The following ZNF185 variants were observed in gnomAD, a reference collection of about 807,000 sequenced individuals.
ZNF185 encodes zinc finger protein 185 with LIM domain, also known as zinc finger protein 185.
A neutral mutation model predicts 58.6 loss-of-function variants in ZNF185; 56 were observed. The observed-to-expected ratio is 0.95, with a 90% CI of 0.77 to 1.19. The LOEUF (loss-of-function observed/expected upper bound fraction) is 1.19, where lower values mean the gene tolerates loss of function less well. Ranked by LOEUF, ZNF185 falls within the 50% of genes most tolerant of loss-of-function variation. The pLI is 0.00. For synonymous variants in ZNF185, 230 were observed against 215.9 expected (o/e 1.07, Z -0.57); for missense variants, 627 against 573.5 (o/e 1.09, Z -0.95).
chrX:152,901,362 C>T, the ZNF185 span, among the ~76,000 whole-genome samples: 4 of 109,332 alleles, frequency 3.7e-5, no homozygotes, highest in Non-Finnish European at 7.6e-5. Context: ...AAGCGATCCT[C>T]GTGCCTCAGC....
rs139719245 is a variant in ZNF185, at chrX:152,915,721, G to A, written c.224+518G>A. ...TGACATATTTTGTCAGCTGACCAAG[G>A]AGAACTGGCTTCTCTCTCTTTTGGG... On this transcript the variant is annotated intron_variant, in intron 3 of 22. Coordinates refer to ENST00000449285, the Ensembl canonical transcript of ZNF185. 8.9e-4 allele frequency among the ~76,000 whole-genome samples: 100 copies of A among 112,516 alleles called. No individual in the cohort carries two copies. In the East Asian group the frequency reaches 0.027, roughly 31 times the overall value.
chrX:152,972,418 C>G (rs956708094), exon 23 of ZNF185: 5 of 110,661 alleles, frequency 4.5e-5, no homozygotes, highest in African/African-American at 1.3e-4. Flanking sequence ...TGAAATCACA[C>G]TCTTCCTCTG....
the ZNF185 span, among the ~76,000 whole-genome samples, chrX:152,903,239 A>C: frequency 9.2e-6 from 1 of 108,528 alleles, no homozygotes; most frequent in Admixed American, 9.8e-5. Context: ...AAATACAAAA[A>C]TTAGCCAGGT....
intron 13 of ZNF185, 83 bp from the exon 15 acceptor site, chrX:152,932,790 C>A: frequency 1.4e-6 from 1 of 697,527 alleles, no homozygotes; most frequent in Non-Finnish European, 2.2e-6. Flanking sequence ...TGCTTCTGGT[C>A]TTGAGGCCCA....
chrX:152,960,854 G>A (rs1280178513), intron 17 of ZNF185, among the ~76,000 whole-genome samples: 2 of 111,710 alleles, frequency 1.8e-5, no homozygotes, highest in Non-Finnish European at 3.8e-5. Context: ...AGGAGAGAAT[G>A]CCATGATTTG....
intron 11 of ZNF185, among the ~76,000 whole-genome samples, chrX:152,928,217 G>T (rs1208962981): frequency 8.9e-6 from 1 of 112,478 alleles, no homozygotes; most frequent in Non-Finnish European, 1.9e-5. Flanking sequence ...CATGAATGCA[G>T]AACTACCCCT....
chrX:152,904,429 CTGACTGT>C, the ZNF185 span, among the ~76,000 whole-genome samples: 1 of 112,983 alleles, frequency 8.9e-6, no homozygotes, highest in Non-Finnish European at 1.9e-5. Flanking sequence ...AACCTGTCTG[CTGACTGT>C]TGCCTTGCCA....
chrX:152,936,729 G>A (rs2046328657), intron 14 of ZNF185, among the ~76,000 whole-genome samples: 1 of 110,713 alleles, frequency 9.0e-6, no homozygotes, highest in Non-Finnish European at 1.9e-5. Context: ...CTCACCCAGA[G>A]AGCCCAGCAC....
intron 16 of ZNF185, among the ~76,000 whole-genome samples, chrX:152,949,338 C>T (rs1344228080): frequency 8.9e-6 from 1 of 112,724 alleles, no homozygotes; most frequent in African/African-American, 3.2e-5. Context: ...CTGAGGCAGA[C>T]AGCAGCACTC....
At chrX:152,914,973 G>A (rs1211711888) in intron 2 of ZNF185, 140 bp downstream of exon 3, 1 of 1,009,456 alleles carries the variant, frequency 9.9e-7, no homozygotes, top group Non-Finnish European at 1.3e-6. Flanking sequence ...CGTGGGAAAG[G>A]CTATCCAGCA....
At chrX:152,956,285 G>A (rs1177438025) in intron 16 of ZNF185, among the ~76,000 whole-genome samples, 1 of 111,840 alleles carries the variant, frequency 8.9e-6, no homozygotes, top group African/African-American at 3.3e-5. Flanking sequence ...TGAGCTAGAC[G>A]AAGAGTCTAC....
chrX:152,935,033 A>G (rs946389861), intron 14 of ZNF185, among the ~76,000 whole-genome samples: 9 of 110,293 alleles, frequency 8.2e-5, no homozygotes, highest in Non-Finnish European at 1.7e-4. Flanking sequence ...CAGGTTGCCC[A>G]GGCTGGTTTG....
chrX:152,918,922 A>G, intron 6 of ZNF185, 61 bp from the exon 8 acceptor site: 1 of 916,890 alleles, frequency 1.1e-6, no homozygotes, highest in Non-Finnish European at 1.6e-6. Context: ...GTTGAAAGCC[A>G]GGAAGCCAAG....
At chrX:152,907,315 G>A in the ZNF185 span, among the ~76,000 whole-genome samples, 3 of 112,289 alleles carry the variant, frequency 2.7e-5, no homozygotes, top group African/African-American at 6.4e-5. Context: ...TGCTGTGGTC[G>A]GGATAACAGG....
chrX:152,961,077 T>C (rs1292669284), intron 17 of ZNF185, among the ~76,000 whole-genome samples: 1 of 112,194 alleles, frequency 8.9e-6, no homozygotes, highest in Non-Finnish European at 1.9e-5. Flanking sequence ...TCCTGTCCAC[T>C]TAACTGATTT....
the ZNF185 span, among the ~76,000 whole-genome samples, chrX:152,905,306 A>G: frequency 8.9e-6 from 1 of 112,055 alleles, no homozygotes; most frequent in Non-Finnish European, 1.9e-5. Flanking sequence ...AGGAAGGAGA[A>G]TGGGCTGGGA....
chrX:152,914,691 T>C lies in ZNF185; in HGVS notation c.35-19T>C, dbSNP rs951702052. On this transcript the variant is annotated intron_variant, in intron 1 of 22. Transcript: ENST00000449285. ...GGGCTGCATTCCTCTTCTGAGGCGG[T>C]TGGCTTTTCCCACCACAGGGAAGCC... 3 of 1,196,462 alleles carry C rather than the reference T, an allele frequency of 2.5e-6. No individual in the cohort carries two copies. In the Admixed American group the frequency reaches 6.8e-5, roughly 27 times the overall value.
At chrX:152,933,003 T>C (rs1569502718) in intron 14 of ZNF185, 32 bp downstream of exon 15, 1 of 1,078,772 alleles carries the variant, frequency 9.3e-7, no homozygotes, top group Non-Finnish European at 1.3e-6. Flanking sequence ...GGTTCTCTCA[T>C]GCCCCTGGTG....
At chrX:152,942,181 C>T (rs2047299418) in intron 15 of ZNF185, among the ~76,000 whole-genome samples, 1 of 112,449 alleles carries the variant, frequency 8.9e-6, no homozygotes, top group South Asian at 3.7e-4. Flanking sequence ...TCCCGCAGGG[C>T]AGTGGAGCCT....
Sources: gnomAD v4.1 joint callset for allele counts (sites outside exome capture counted in the v4.1 genomes callset) on GRCh38, gnomAD v4.1.1 for gene constraint, MANE v1.5 for transcripts, NCBI Gene and HGNC (gene_info 2026-07-23, HGNC 2026-07-21) for gene names.